CLRN3: variants seen among roughly 807,000 people sequenced by gnomAD.
The protein encoded by CLRN3 is clarin-3.
CLRN3 carries 12 observed loss-of-function variants against 16.7 expected under a neutral mutation model. The ratio of observed to expected loss-of-function variants is 0.72; its 90% CI spans 0.46 to 1.16. The LOEUF (loss-of-function observed/expected upper bound fraction) is 1.16, where lower values mean the gene tolerates loss of function less well. CLRN3 is among the 50% of genes most tolerant of loss of function. The pLI is 0.00. For synonymous variants in CLRN3, 118 were observed against 113.0 expected (o/e 1.04, Z -0.28); for missense variants, 296 against 274.2 (o/e 1.08, Z -0.56).
chr10:127,888,002 C>A (rs1783605103), intron 1 of CLRN3, among the ~76,000 whole-genome samples: 1 of 152,194 alleles, frequency 6.6e-6, no homozygotes, highest in African/African-American at 2.4e-5. Flanking sequence ...CCCATGAGAG[C>A]CATCCGGACA....
intron 1 of CLRN3, among the ~76,000 whole-genome samples, chr10:127,891,936 T>G (rs1178134538): frequency 6.6e-6 from 1 of 152,208 alleles, no homozygotes; most frequent in African/African-American, 2.4e-5. Context: ...ATCAACTTAT[T>G]ATTCTCAATG....
Position 127,878,039 on chromosome 10 carries a change from G to A in CLRN3, c.*110C>T. On this transcript the variant is annotated 3_prime_UTR_variant, in exon 3 of 3. Coordinates refer to ENST00000368671, the MANE Select transcript of CLRN3 (RefSeq NM_152311.5). ...CACAGTGTCATGAAACACAAATGCT[G>A]TCACAGATGACAGTCACGTTACCAT... The A allele has an allele frequency of 7.6e-7, 1 of 1,321,036 alleles. No homozygotes were observed. The highest frequency in any genetic ancestry group is 2.1e-5 in the Admixed American group (1 of 48,418). The allele number at this position is 1,321,036 out of a possible 1,614,324, so 81.8% of individuals were successfully genotyped here.
chr10:127,891,999 G>GA (rs35355661), intron 1 of CLRN3, among the ~76,000 whole-genome samples: 3 of 150,746 alleles, frequency 2.0e-5, no homozygotes, highest in South Asian at 2.1e-4. Flanking sequence ...TAAGAAATCA[G>GA]AAAAAAAAAT....
intron 2 of CLRN3, among the ~76,000 whole-genome samples, chr10:127,882,909 C>T (rs556086639): frequency 6.8e-4 from 104 of 152,314 alleles, no homozygotes; most frequent in Non-Finnish European, 1.1e-3. Context: ...GCCCTGAAGG[C>T]AGCTGGGCAG....
chr10:127,885,371 G>C (rs532721410), intron 1 of CLRN3, among the ~76,000 whole-genome samples: 29 of 152,204 alleles, frequency 1.9e-4, no homozygotes, highest in African/African-American at 5.1e-4. Flanking sequence ...TAAACCCAGG[G>C]GTCCTAATTC....
chr10:127,883,340 G>C (rs552854706), intron 2 of CLRN3, among the ~76,000 whole-genome samples: 1 of 152,316 alleles, frequency 6.6e-6, no homozygotes, highest in South Asian at 2.1e-4. Flanking sequence ...GCACATGTGT[G>C]TGCTTCTACA....
Position 127,878,355 on chromosome 10 carries a change from C to T in CLRN3, c.475G>A (p.Glu159Lys), listed in dbSNP as rs1443013494. The T allele has an allele frequency of 6.2e-7, 1 of 1,614,078 alleles. No homozygotes were observed. The highest frequency in any genetic ancestry group is 1.3e-5 in the African/African-American group (1 of 74,922). ...GCCGGGTAAAGCATTTGGAACAACT[C>T]TTCGGAGAGTTGGTTGGACTGCGTG... ...ANTQSNQLSE[E>K]LFQMLYPATT... Residue 159 changes from glutamate (E) to lysine (K), a missense_variant, in exon 3 of 3, where the codon GAG becomes AAG. Transcript: ENST00000368671.
intron 2 of CLRN3, 100 bp from the exon 3 acceptor site, chr10:127,878,520 A>G: frequency 1.3e-6 from 2 of 1,493,886 alleles, no homozygotes; most frequent in Non-Finnish European, 1.8e-6. Context: ...TTGCATATCT[A>G]CACAGGAGTT....
intron 1 of CLRN3, among the ~76,000 whole-genome samples, chr10:127,886,927 G>A (rs375501923): frequency 6.6e-6 from 1 of 152,212 alleles, no homozygotes; most frequent in African/African-American, 2.4e-5. Context: ...GGTCACGCCA[G>A]CCACTGCCTG....
chr10:127,885,008 G>A (rs928143955), intron 1 of CLRN3, among the ~76,000 whole-genome samples: 11 of 152,246 alleles, frequency 7.2e-5, no homozygotes, highest in African/African-American at 2.7e-4. Context: ...ACAAGTGAAA[G>A]GCTCTTTGTT....
Position 127,878,364 on chromosome 10 carries a change from G to C in CLRN3, c.466C>G (p.Leu156Val), listed in dbSNP as rs766870190. 6 of 1,614,070 alleles carry C rather than the reference G, an allele frequency of 3.7e-6. No homozygotes were observed. In the Admixed American group the frequency reaches 6.7e-5, roughly 18 times the overall value. Residue 156 changes from leucine (L) to valine (V), a missense_variant, in exon 3 of 3, where the codon CTC becomes GTC. Coordinates refer to ENST00000368671, the MANE Select transcript of CLRN3 (RefSeq NM_152311.5). ...AGCATTTGGAACAACTCTTCGGAGAGTTGGTTGGACTGCGTGTTCGCCACA... is the reference window on the plus strand; with the variant it reads ...AGCATTTGGAACAACTCTTCGGAGACTTGGTTGGACTGCGTGTTCGCCACA... ...LFVANTQSNQ[L>V]SEELFQMLYP... is the part of the protein sequence containing the mutation.
intron 1 of CLRN3, among the ~76,000 whole-genome samples, chr10:127,890,907 A>G (rs1438122718): frequency 6.6e-6 from 1 of 151,984 alleles, no homozygotes; most frequent in Admixed American, 6.6e-5. Context: ...CTAGGCTCTG[A>G]GAGGTCCTTA....
In CLRN3 at chr10:127,883,730, C is replaced by T; in HGVS notation, c.375G>A (p.Gly125=). Residue 125 remains glycine (G), a synonymous_variant, in exon 2 of 3, where the codon GGG becomes GGA. Coordinates refer to ENST00000368671, the MANE Select transcript of CLRN3 (RefSeq NM_152311.5). The part of the protein sequence containing the change: ...SISNPYQTFL[G]PTGVYTWNGL... ...CGTTCCAGGTGTACACCCCCGTCGG[C>T]CCCAGGAATGTCTGGTAAGGGTTGC... is the stretch of plus-strand genomic sequence containing the variant. 2.5e-6 allele frequency: 4 copies of T among 1,613,818 alleles called. No homozygotes were observed. The highest frequency in any genetic ancestry group is 1.1e-5 in the South Asian group (1 of 91,048).
chr10:127,882,168 G>A (rs1378334777), intron 2 of CLRN3, among the ~76,000 whole-genome samples: 1 of 152,190 alleles, frequency 6.6e-6, no homozygotes, highest in African/African-American at 2.4e-5. Context: ...GGGAAACAGT[G>A]ATATTCATTC....
chr10:127,884,176 C>A (rs1024744658), intron 1 of CLRN3, among the ~76,000 whole-genome samples: 2 of 152,234 alleles, frequency 1.3e-5, no homozygotes. Context: ...GGCTGGACAG[C>A]CTTCCCATTA....
chr10:127,880,566 C>A (rs948553427), intron 2 of CLRN3, among the ~76,000 whole-genome samples: 2 of 152,140 alleles, frequency 1.3e-5, no homozygotes, highest in African/African-American at 4.8e-5. Flanking sequence ...AGGCAGTCTG[C>A]AAAGTTGTCT....
intron 2 of CLRN3, 103 bp downstream of exon 2, chr10:127,883,593 G>T: frequency 1.2e-6 from 1 of 863,306 alleles, no homozygotes; most frequent in Non-Finnish European, 2.0e-6. Flanking sequence ...TTTCCTTGGT[G>T]TAAACGTGAC....
chr10:127,890,353 T>G (rs923754684), intron 1 of CLRN3, among the ~76,000 whole-genome samples: 3 of 152,186 alleles, frequency 2.0e-5, no homozygotes, highest in African/African-American at 7.2e-5. Context: ...GAGGATTTCC[T>G]TACCAGGTCT....
At chr10:127,882,467 A>T (rs964872694) in intron 2 of CLRN3, among the ~76,000 whole-genome samples, 5 of 151,972 alleles carry the variant, frequency 3.3e-5, no homozygotes, top group African/African-American at 1.2e-4. Flanking sequence ...CAGTGATCTC[A>T]CATTGGGAGT....
Sources: allele counts gnomAD v4.1 joint callset (sites outside exome capture counted in the v4.1 genomes callset), GRCh38; gene constraint gnomAD v4.1.1; transcripts MANE v1.5; gene names NCBI Gene and HGNC (gene_info 2026-07-23, HGNC 2026-07-21).